Variants in PDE1A observed in about 807,000 individuals in gnomAD.
The protein encoded by PDE1A is phosphodiesterase 1A, also known as dual specificity calcium/calmodulin-dependent 3',5'-cyclic nucleotide phosphodiesterase 1A.
Under a neutral mutation model 61.7 loss-of-function variants are expected in PDE1A, and 35 were observed. The observed-to-expected ratio is 0.57, with a 90% CI of 0.43 to 0.75. PDE1A has a LOEUF of 0.75. Among genes scored for constraint, PDE1A ranks in the 30% least tolerant of loss-of-function variants. The pLI, the probability that PDE1A is intolerant of heterozygous loss-of-function variation, is 0.00. For synonymous variants in PDE1A, 232 were observed against 213.2 expected (o/e 1.09, Z -0.77); for missense variants, 597 against 630.6 (o/e 0.95, Z 0.57).
At chr2:182,411,068 G>A (rs554781372) in intron 1 of PDE1A, among the ~76,000 whole-genome samples, 1 of 152,312 alleles carries the variant, frequency 6.6e-6, no homozygotes, top group Admixed American at 6.5e-5. Context: ...ATCCATGTAA[G>A]TAGAAGCCAG....
At chr2:182,545,720 C>G in the PDE1A span, among the ~76,000 whole-genome samples, 1 of 152,180 alleles carries the variant, frequency 6.6e-6, no homozygotes, top group Non-Finnish European at 1.5e-5. Flanking sequence ...CTCTGTTCCT[C>G]TGTAAAACAT....
At chr2:182,180,048 A>G (rs953276876) in intron 13 of PDE1A, among the ~76,000 whole-genome samples, 3 of 152,158 alleles carry the variant, frequency 2.0e-5, no homozygotes, top group African/African-American at 2.4e-5. Flanking sequence ...TTTAATCTCA[A>G]TGCAATTGTA....
chr2:182,264,722 T>A (rs1470711742), intron 1 of PDE1A, among the ~76,000 whole-genome samples: 3 of 151,326 alleles, frequency 2.0e-5, no homozygotes, highest in African/African-American at 7.3e-5. Flanking sequence ...AAAAGTATAT[T>A]CCTATAATTT....
intron 1 of PDE1A, among the ~76,000 whole-genome samples, chr2:182,400,674 G>T (rs920770900): frequency 6.6e-6 from 1 of 152,158 alleles, no homozygotes; most frequent in African/African-American, 2.4e-5. Context: ...GGCATGAAGA[G>T]AAAGCGGAAT....
intron 2 of PDE1A, among the ~76,000 whole-genome samples, chr2:182,509,061 T>C (rs1037473782): frequency 6.6e-6 from 1 of 151,746 alleles, no homozygotes; most frequent in African/African-American, 2.4e-5. Flanking sequence ...ATATGTGGTG[T>C]TAGAATTCTT....
chr2:182,170,616 G>T (rs1294961869), intron 13 of PDE1A, among the ~76,000 whole-genome samples: 1 of 151,958 alleles, frequency 6.6e-6, no homozygotes, highest in Non-Finnish European at 1.5e-5. Flanking sequence ...TGTAATACAT[G>T]TATACACCTG....
At chr2:182,407,382 A>T (rs1331424062) in intron 1 of PDE1A, among the ~76,000 whole-genome samples, 11 of 150,046 alleles carry the variant, frequency 7.3e-5, no homozygotes, top group South Asian at 2.1e-4. Flanking sequence ...CTTTATTATT[A>T]TTTTTTTTTT....
At chr2:182,560,214 T>TC in the PDE1A span, among the ~76,000 whole-genome samples, 1 of 84,518 alleles carries the variant, frequency 1.2e-5, no homozygotes, top group South Asian at 5.5e-4. Context: ...CCCTCTCCCC[T>TC]CCCCCCACCC....
chr2:182,374,541 A>T (rs1301801984), intron 1 of PDE1A, among the ~76,000 whole-genome samples: 1 of 152,196 alleles, frequency 6.6e-6, no homozygotes, highest in East Asian at 1.9e-4. Flanking sequence ...GAAAATAAAA[A>T]TTCAAGTAAG....
At chr2:182,593,260 C>A in the PDE1A span, among the ~76,000 whole-genome samples, 1 of 152,200 alleles carries the variant, frequency 6.6e-6, no homozygotes, top group African/African-American at 2.4e-5. Context: ...ACTTCCCTAT[C>A]ACCTGCTGGT....
At position 182,265,252 on chromosome 2, in the gene PDE1A, C is replaced by CCTG. The variant is rs1377716697; in HGVS notation, c.54-839_54-838insCAG. ...AAACCACCTGTACCCCCCAAAAAAA[C>CCTG]TACTAAATAAATAAAAAATTAAGAA... On this transcript the variant is annotated intron_variant, in intron 1 of 13. Coordinates refer to ENST00000351439, the Ensembl canonical transcript of PDE1A. Among the ~76,000 whole-genome samples the CCTG allele has an allele frequency of 1.8e-4, 28 of 151,692 alleles. 1 individual carries two copies. The South Asian group carries it at 5.9e-3, about 32-fold the overall frequency.
At chr2:182,334,754 T>C (rs562464860) in intron 1 of PDE1A, among the ~76,000 whole-genome samples, 1 of 152,272 alleles carries the variant, frequency 6.6e-6, no homozygotes, top group East Asian at 1.9e-4. Flanking sequence ...CTATTCAACA[T>C]AGTTTTGGAA....
At chr2:182,674,159 G>A in the PDE1A span, among the ~76,000 whole-genome samples, 1 of 151,922 alleles carries the variant, frequency 6.6e-6, no homozygotes, top group Non-Finnish European at 1.5e-5. Flanking sequence ...GCCAGGAACT[G>A]AACTTAAATC....
chr2:182,527,648 G>A (rs758619655), upstream of PDE1A, among the ~76,000 whole-genome samples: 8 of 151,798 alleles, frequency 5.3e-5, no homozygotes, highest in African/African-American at 7.3e-5. Context: ...TAACTTAGAC[G>A]TCAAGAAAGA....
intron 2 of PDE1A, among the ~76,000 whole-genome samples, chr2:182,479,336 A>T (rs1687564325): frequency 6.6e-6 from 1 of 151,960 alleles, no homozygotes; most frequent in Non-Finnish European, 1.5e-5. Context: ...AGTTATGTTG[A>T]CAGCTTACCA....
At chr2:182,618,700 A>C in the PDE1A span, among the ~76,000 whole-genome samples, 1 of 152,180 alleles carries the variant, frequency 6.6e-6, no homozygotes, top group South Asian at 2.1e-4. Context: ...TGTGTCTTTG[A>C]TATACATGGT....
chr2:182,627,539 A>G, the PDE1A span, among the ~76,000 whole-genome samples: 2 of 150,040 alleles, frequency 1.3e-5, no homozygotes, highest in African/African-American at 2.5e-5. Context: ...TTTGATTAGC[A>G]TTCATTTTGT....
At chr2:182,687,769 T>A in the PDE1A span, among the ~76,000 whole-genome samples, 74 of 152,136 alleles carry the variant, frequency 4.9e-4, no homozygotes, top group African/African-American at 1.7e-3. Flanking sequence ...GCAAACAAGT[T>A]AAAAACCTTG....
intron 1 of PDE1A, among the ~76,000 whole-genome samples, chr2:182,411,063 TG>T (rs1283698045): frequency 5.3e-5 from 8 of 152,330 alleles, no homozygotes; most frequent in African/African-American, 1.9e-4. Context: ...AACACATCCA[TG>T]TAAGTAGAAG....
Sources: allele counts gnomAD v4.1 joint callset (sites outside exome capture counted in the v4.1 genomes callset), GRCh38; gene constraint gnomAD v4.1.1; transcripts MANE v1.5; gene names NCBI Gene and HGNC (gene_info 2026-07-23, HGNC 2026-07-21).